The following APBB2 variants were observed in gnomAD, a reference collection of about 807,000 sequenced individuals.
The protein encoded by APBB2 is amyloid beta precursor protein binding family B member 2.
In APBB2, 38 loss-of-function variants were observed where a neutral mutation model predicts 82.5. The observed-to-expected ratio is 0.46, with a 90% CI of 0.36 to 0.60. The LOEUF (loss-of-function observed/expected upper bound fraction) is 0.60. APBB2 is among the 20% of genes least tolerant of loss of function. The pLI is 0.00. For missense variants in APBB2, 772 were observed against 972.3 expected (o/e 0.79, Z 2.74); for synonymous variants, 341 against 368.2 (o/e 0.93, Z 0.85).
At chr4:41,131,574 T>C (rs1755989520) in intron 2 of APBB2, among the ~76,000 whole-genome samples, 1 of 152,164 alleles carries the variant, frequency 6.6e-6, no homozygotes, top group Non-Finnish European at 1.5e-5. Flanking sequence ...TTATGATTCC[T>C]GGCATGACTA....
At chr4:41,007,406 A>G (rs1453761798) in intron 6 of APBB2, among the ~76,000 whole-genome samples, 1 of 152,098 alleles carries the variant, frequency 6.6e-6, no homozygotes, top group African/African-American at 2.4e-5. Context: ...AGTCTCAGGT[A>G]TTTCGTTATA....
At chr4:41,179,101 T>C (rs1770627917) in intron 1 of APBB2, among the ~76,000 whole-genome samples, 1 of 152,222 alleles carries the variant, frequency 6.6e-6, no homozygotes, top group Non-Finnish European at 1.5e-5. Context: ...CAACAAAAAG[T>C]TTTCTGTTCT....
intron 6 of APBB2, among the ~76,000 whole-genome samples, chr4:40,996,883 T>C (rs930710980): frequency 2.6e-5 from 4 of 152,188 alleles, no homozygotes; most frequent in African/African-American, 9.7e-5. Context: ...ATATTTATGG[T>C]TTCTTTGAAT....
chr4:40,934,414 C>G (rs1451805953), intron 10 of APBB2, 42 bp downstream of exon 10: 6 of 1,577,982 alleles, frequency 3.8e-6, no homozygotes, highest in Non-Finnish European at 5.2e-6. Context: ...TTATTTGGAT[C>G]TAAGAATATA....
chr4:41,099,450 C>T (rs1427835916), intron 3 of APBB2, among the ~76,000 whole-genome samples: 1 of 152,084 alleles, frequency 6.6e-6, no homozygotes, highest in African/African-American at 2.4e-5. Flanking sequence ...AGGCTGGTCT[C>T]GAATTCCCAA....
At chr4:40,871,433 C>T (rs572141893) in intron 12 of APBB2, among the ~76,000 whole-genome samples, 6 of 152,370 alleles carry the variant, frequency 3.9e-5, no homozygotes, top group African/African-American at 1.4e-4. Flanking sequence ...GCATGAGCCA[C>T]CGCACCCGGC....
At chr4:41,166,851 C>G (rs924338912) in intron 1 of APBB2, among the ~76,000 whole-genome samples, 1 of 151,654 alleles carries the variant, frequency 6.6e-6, no homozygotes, top group African/African-American at 2.4e-5. Context: ...GAGCCGTGAC[C>G]ACACCACTGC....
chr4:41,160,029 GAA>G (rs1764704156), intron 1 of APBB2, among the ~76,000 whole-genome samples: 1 of 146,052 alleles, frequency 6.8e-6, no homozygotes, highest in East Asian at 1.9e-4. Context: ...AGAAGAAGAA[GAA>G]GAAGAAAACA....
intron 2 of APBB2, among the ~76,000 whole-genome samples, chr4:41,136,398 T>C (rs902541862): frequency 1.3e-5 from 2 of 152,220 alleles, no homozygotes; most frequent in African/African-American, 4.8e-5. Flanking sequence ...GAGTTATAAA[T>C]GAAAGCTTAC....
At chr4:41,194,084 A>ACTTTGAGCCCAAT in intron 1 of APBB2, 1 of 151,868 alleles carries the variant, frequency 6.6e-6, no homozygotes, top group Non-Finnish European at 1.5e-5. Flanking sequence ...TTGAGCCCGA[A>ACTTTGAGCCCAAT]CTTTGAGCCC....
intron 12 of APBB2, among the ~76,000 whole-genome samples, chr4:40,867,418 CTAT>C (rs1042683265): frequency 1.4e-4 from 21 of 152,270 alleles, no homozygotes; most frequent in Middle Eastern, 3.4e-3. Context: ...ATTAAATTAG[CTAT>C]TATTATTATC....
At chr4:40,903,513 T>C (rs1215882743) in intron 10 of APBB2, among the ~76,000 whole-genome samples, 1 of 152,116 alleles carries the variant, frequency 6.6e-6, no homozygotes, top group African/African-American at 2.4e-5. Context: ...GATTTTGATG[T>C]AAGCCCCCTT....
At chr4:41,085,458 A>AT (rs1359415744) in intron 3 of APBB2, among the ~76,000 whole-genome samples, 1 of 152,198 alleles carries the variant, frequency 6.6e-6, no homozygotes, top group African/African-American at 2.4e-5. Flanking sequence ...CTAAGCTTTC[A>AT]TCCCTAAGTT....
In APBB2 at chr4:40,932,479, G is replaced by A. The variant is rs1292177162; in HGVS notation, c.1254+1977C>T. Among the ~76,000 whole-genome samples the A allele has an allele frequency of 2.0e-5, 3 of 152,322 alleles. No individual in the cohort carries two copies. In the East Asian group the frequency reaches 5.8e-4, roughly 29 times the overall value. On this transcript the variant is annotated intron_variant, in intron 10 of 17. Transcript: ENST00000508593. ...TACAGAACCAACTGGCAATATGGCA[G>A]TTTCTGGCAAAGGAGTCAAGGTTTT...
At chr4:41,135,608 T>G (rs1757348034) in intron 2 of APBB2, among the ~76,000 whole-genome samples, 1 of 152,206 alleles carries the variant, frequency 6.6e-6, no homozygotes, top group African/African-American at 2.4e-5. Context: ...AAGTACTGTT[T>G]GTTCTTGTAT....
Position 40,934,670 on chromosome 4 carries a change from G to T in APBB2, c.1137C>A (p.Asp379Glu). 1.2e-6 allele frequency: 2 copies of T among 1,613,978 alleles called. No individual in the cohort carries two copies. Among genetic ancestry groups the T allele is most frequent in the Non-Finnish European group, 1.7e-6 (2 of 1,179,854 alleles). ...CTCCTTCAAACTCTTTTAAACTGGGGTCCGGGTTAACAGTGGCTGCATGCA... is the reference window on the plus strand; with the variant it reads ...CTCCTTCAAACTCTTTTAAACTGGGTTCCGGGTTAACAGTGGCTGCATGCA... The part of the protein sequence containing the change: ...KDLHAATVNP[D>E]PSLKEFEGAT... The change falls in exon 9 of 18, where the codon GAC becomes GAA. Residue 379 changes from aspartate to glutamate, a missense_variant. Asp to Glu is a conservative substitution (Grantham distance 45). Transcript: ENST00000508593.
intron 4 of APBB2, among the ~76,000 whole-genome samples, chr4:41,060,582 G>A (rs1190429446): frequency 6.6e-6 from 1 of 152,060 alleles, no homozygotes; most frequent in African/African-American, 2.4e-5. Context: ...AGGAGAGGAG[G>A]GAAATAGTAC....
intron 6 of APBB2, among the ~76,000 whole-genome samples, chr4:40,957,276 C>T (rs140878923): frequency 2.0e-5 from 3 of 152,248 alleles, no homozygotes; most frequent in Non-Finnish European, 2.9e-5. Context: ...TGTATTTCTT[C>T]ATTAAAAAAA....
At chr4:41,062,157 C>CTTATTTAT (rs139030241) in intron 4 of APBB2, among the ~76,000 whole-genome samples, 21,158 of 149,234 alleles carry the variant, frequency 0.14, 1,687 homozygotes, top group Non-Finnish European at 0.18. Context: ...ACAAGCAAAT[C>CTTATTTAT]TTATTTATTT....
Sources: allele counts gnomAD v4.1 joint callset (sites outside exome capture counted in the v4.1 genomes callset), GRCh38; gene constraint gnomAD v4.1.1; transcripts MANE v1.5; gene names NCBI Gene and HGNC (gene_info 2026-07-23, HGNC 2026-07-21).